MYOT: variants seen among roughly 807,000 people sequenced by gnomAD.
The protein encoded by MYOT is myotilin, also known as 57 kDa cytoskeletal protein.
A neutral mutation model predicts 58.0 loss-of-function variants in MYOT; 36 were observed. The observed-to-expected ratio is 0.62, with a 90% CI of 0.48 to 0.82. The LOEUF is 0.82. Among genes scored for constraint, MYOT ranks in the 40% least tolerant of loss-of-function variants. The probability of loss-of-function intolerance (pLI) is 0.00; values close to 1 mark genes in which losing one functional copy is unlikely to be tolerated. For missense variants in MYOT, 505 were observed against 592.1 expected (o/e 0.85, Z 1.53); for synonymous variants, 218 against 204.6 (o/e 1.07, Z -0.56).
intron 6 of MYOT, chr5:137,882,941 C>T (rs1269815582): frequency 6.0e-6 from 1 of 167,960 alleles, no homozygotes; most frequent in Admixed American, 5.9e-5. Flanking sequence ...TAACAAATTG[C>T]CATTTATATG....
In MYOT at chr5:137,870,587, C is replaced by G; in HGVS notation, c.-65C>G. On this transcript the variant is annotated 5_prime_UTR_variant, in exon 2 of 10. Transcript: ENST00000239926. ...GGCTTGTGGCCCCAAATTCAGGGCC[C>G]CACCCTTCCAGGAACAAATCATTAT... is the stretch of plus-strand genomic sequence containing the variant. 4 of 1,458,366 alleles carry G rather than the reference C, an allele frequency of 2.7e-6. No homozygotes were observed. The highest frequency in any genetic ancestry group is 4.5e-5 in the East Asian group (2 of 44,104). The allele number at this position is 1,458,366 out of a possible 1,614,324, so 90.3% of individuals were successfully genotyped here. A position where few individuals can be genotyped will look rare whatever the true frequency, so the allele number is the denominator to read the frequency against.
chr5:137,870,164 A>AAAT (rs1754996572), intron 1 of MYOT, among the ~76,000 whole-genome samples: 1 of 151,668 alleles, frequency 6.6e-6, no homozygotes, highest in Admixed American at 6.6e-5. Flanking sequence ...AAAAAAAGAA[A>AAAT]AATTAGCCAG....
chr5:137,879,603 C>T (rs1167703331), intron 4 of MYOT, among the ~76,000 whole-genome samples: 1 of 143,844 alleles, frequency 7.0e-6, no homozygotes, highest in African/African-American at 2.6e-5. Flanking sequence ...CGGCTCACTG[C>T]AAGCTCCGCC....
At chr5:137,876,141 C>T in intron 3 of MYOT, 138 bp downstream of exon 3, 1 of 896,524 alleles carries the variant, frequency 1.1e-6, no homozygotes, top group Non-Finnish European at 1.7e-6. Context: ...ATATTTGGGC[C>T]CTATTCCATT....
At chr5:137,874,820 T>G (rs1011151758) in intron 2 of MYOT, among the ~76,000 whole-genome samples, 3 of 152,218 alleles carry the variant, frequency 2.0e-5, no homozygotes, top group Admixed American at 1.3e-4. Context: ...TGCTGTTATA[T>G]AGTGCCATAC....
chr5:137,886,641 G>A (rs184702860), intron 8 of MYOT: 142 of 594,694 alleles, frequency 2.4e-4, no homozygotes, highest in Middle Eastern at 1.5e-3. Flanking sequence ...AGACACACCC[G>A]AGTGAATGAC....
intron 7 of MYOT, among the ~76,000 whole-genome samples, chr5:137,885,290 A>C (rs576574590): frequency 6.6e-6 from 1 of 152,300 alleles, no homozygotes; most frequent in South Asian, 2.1e-4. Context: ...TGTGTGGTAG[A>C]CACAACAGTC....
intron 3 of MYOT, among the ~76,000 whole-genome samples, 153 bp from the exon 4 acceptor site, chr5:137,877,367 C>CAAAAAAAAA (rs1172576383): frequency 2.4e-5 from 1 of 42,114 alleles, no homozygotes; most frequent in Non-Finnish European, 5.6e-5. Context: ...GACTCCGTCT[C>CAAAAAAAAA]AAAAAAAAAA....
At chr5:137,879,516 CTTTT>C (rs34327276) in intron 4 of MYOT, among the ~76,000 whole-genome samples, 37 of 99,502 alleles carry the variant, frequency 3.7e-4, no homozygotes, top group South Asian at 1.4e-3. Flanking sequence ...GATGGTTCAT[CTTTT>C]TTTTTTTTTT....
intron 6 of MYOT, 147 bp downstream of exon 6, chr5:137,882,252 G>A (rs2149987100): frequency 1.1e-6 from 1 of 921,696 alleles, no homozygotes; most frequent in East Asian, 2.6e-5. Flanking sequence ...ATGTGGGTTT[G>A]AATTCTGGCT....
At chr5:137,878,817 T>A (rs144630240) in intron 4 of MYOT, among the ~76,000 whole-genome samples, 1 of 151,958 alleles carries the variant, frequency 6.6e-6, no homozygotes, top group Admixed American at 6.6e-5. Context: ...AGAGACTCCA[T>A]CTCAAACACA....
intron 3 of MYOT, among the ~76,000 whole-genome samples, chr5:137,876,695 T>C (rs1328010968): frequency 1.3e-5 from 2 of 152,112 alleles, no homozygotes; most frequent in Non-Finnish European, 2.9e-5. Flanking sequence ...TTCCAGCTAC[T>C]TAGGAGGCTG....
chr5:137,877,581 T>C lies in MYOT; in HGVS notation c.593T>C (p.Val198Ala), dbSNP rs776439973. 24 of 1,614,026 alleles carry C rather than the reference T, an allele frequency of 1.5e-5. No individual in the cohort carries two copies. The South Asian group carries it at 2.6e-4, about 18-fold the overall frequency. The stretch of plus-strand genomic sequence containing the variant: ...CTAGGACCACAGAATGCAGCTGCTG[T>C]GTTTCAAGCTCAGGATGACAGTGGT... ...RLLGPQNAAA[V>A]FQAQDDSGAQ... The change falls in exon 4 of 10, where the codon GTG (valine) becomes GCG (alanine). Residue 198 changes from valine (V) to alanine (A), a missense_variant. Coordinates refer to ENST00000239926, the MANE Select transcript of MYOT (RefSeq NM_006790.3).
intron 7 of MYOT, among the ~76,000 whole-genome samples, chr5:137,885,042 T>C (rs1755552260): frequency 6.6e-6 from 1 of 152,190 alleles, no homozygotes; most frequent in African/African-American, 2.4e-5. Flanking sequence ...ACAAATCCTA[T>C]TTGTACCAAT....
In MYOT at chr5:137,870,827, G is replaced by A. The variant is rs2149978876; in HGVS notation, c.176G>A (p.Ser59Asn). The stretch of plus-strand genomic sequence containing the variant: ...AGATTTTCTGCCTCCTCAACACTGA[G>A]CTCTCACATCACCATGTCCTCCTCT... ...EQRFSASSTLSSHITMSSSAF... is the reference protein window; with the variant it reads ...EQRFSASSTLNSHITMSSSAF... The change falls in exon 2 of 10, where the codon AGC becomes AAC. Residue 59 changes from serine (S) to asparagine (N), a missense_variant. Physicochemically the swap from Ser to Asn is conservative, Grantham distance 46 (BLOSUM62 1). Coordinates refer to ENST00000239926, the MANE Select transcript of MYOT (RefSeq NM_006790.3). The A allele has an allele frequency of 1.2e-6, 2 of 1,614,134 alleles. No individual in the cohort carries two copies. The highest frequency in any genetic ancestry group is 1.7e-6 in the Non-Finnish European group (2 of 1,180,018).
chr5:137,880,680 C>T, intron 4 of MYOT, 136 bp from the exon 5 acceptor site: 1 of 711,848 alleles, frequency 1.4e-6, no homozygotes. Context: ...GGCTTAAAAG[C>T]TGAATATATA....
chr5:137,875,449 T>C (rs1183463581), intron 2 of MYOT, among the ~76,000 whole-genome samples: 2 of 152,102 alleles, frequency 1.3e-5, no homozygotes, highest in Non-Finnish European at 2.9e-5. Flanking sequence ...TCATACAATA[T>C]ACCCATGTAA....
In MYOT at chr5:137,887,442, CA is replaced by C. The variant is rs1190070048; in HGVS notation, c.*58del. On this transcript the variant is annotated 3_prime_UTR_variant, in exon 10 of 10. Coordinates refer to ENST00000239926, the MANE Select transcript of MYOT (RefSeq NM_006790.3). ...ACACCATTAGTAATATATTTGATTA[CA>C]TTTTTTTGAAATTAATCCATAGCTG... 1.9e-5 allele frequency: 30 copies of C among 1,562,356 alleles called. No homozygotes were observed. Among genetic ancestry groups the C allele is most frequent in the Non-Finnish European group, 2.4e-5 (27 of 1,137,252 alleles).
rs1296659208 is a variant in MYOT, at chr5:137,880,875, T to A, written c.683+10T>A. On this transcript the variant is annotated intron_variant, in intron 5 of 9. Coordinates refer to ENST00000239926, the MANE Select transcript of MYOT (RefSeq NM_006790.3). ...CTACATCACAAGTAAGGTAAAAAATTTTAATTTTAAAGAAATGTATGTTTT... is the reference window on the plus strand; with the variant it reads ...CTACATCACAAGTAAGGTAAAAAATATTAATTTTAAAGAAATGTATGTTTT... 5.1e-6 allele frequency: 8 copies of A among 1,578,668 alleles called. 1 individual carries two copies. In the East Asian group the frequency reaches 9.0e-5, roughly 18 times the overall value.
Sources: gnomAD v4.1 joint callset for allele counts (sites outside exome capture counted in the v4.1 genomes callset) on GRCh38, gnomAD v4.1.1 for gene constraint, MANE v1.5 for transcripts, NCBI Gene and HGNC (gene_info 2026-07-23, HGNC 2026-07-21) for gene names.